SLC25A21: variants seen among roughly 807,000 people sequenced by gnomAD.
SLC25A21 encodes mitochondrial 2-oxodicarboxylate carrier.
A neutral mutation model predicts 43.8 loss-of-function variants in SLC25A21; 47 were observed. The observed-to-expected ratio is 1.07, with a 90% CI of 0.85 to 1.37. The LOEUF is 1.37. SLC25A21 is among the 40% of genes most tolerant of loss of function. The pLI is 0.00. For synonymous variants in SLC25A21, 131 were observed against 121.3 expected (o/e 1.08, Z -0.52); for missense variants, 352 against 350.2 (o/e 1.00, Z -0.04).
intron 1 of SLC25A21, among the ~76,000 whole-genome samples, chr14:36,961,587 G>A (rs1274236696): frequency 6.6e-6 from 1 of 152,116 alleles, no homozygotes; most frequent in Non-Finnish European, 1.5e-5. Flanking sequence ...CTCCCTTACT[G>A]TCCTTAGCCT....
chr14:36,685,824 A>G (rs146705117), intron 7 of SLC25A21, among the ~76,000 whole-genome samples: 2 of 152,258 alleles, frequency 1.3e-5, no homozygotes, highest in Non-Finnish European at 2.9e-5. Flanking sequence ...ATGATTTGTT[A>G]TAATGAATTT....
intron 3 of SLC25A21, among the ~76,000 whole-genome samples, chr14:36,764,535 A>C (rs79123246): frequency 6.7e-5 from 3 of 44,682 alleles, no homozygotes; most frequent in African/African-American, 9.1e-5. Context: ...CCCACACTCC[A>C]AAAAAAAAAA....
At chr14:36,879,631 C>T (rs1890651512) in intron 1 of SLC25A21, among the ~76,000 whole-genome samples, 1 of 152,068 alleles carries the variant, frequency 6.6e-6, no homozygotes, top group African/African-American at 2.4e-5. Flanking sequence ...CCTTGAACTG[C>T]CTCAAGTACA....
At chr14:36,779,381 A>G (rs565164035) in intron 3 of SLC25A21, among the ~76,000 whole-genome samples, 1 of 145,446 alleles carries the variant, frequency 6.9e-6, no homozygotes, top group Non-Finnish European at 1.5e-5. Context: ...CTATATATAC[A>G]CACACATATA....
At chr14:36,683,916 T>C (rs1267831360) in intron 8 of SLC25A21, 36 bp from the exon 9 acceptor site, 1 of 1,516,192 alleles carries the variant, frequency 6.6e-7, no homozygotes, top group Admixed American at 1.8e-5. Context: ...GTTCTTATTC[T>C]GAAAATAAAT....
intron 2 of SLC25A21, among the ~76,000 whole-genome samples, chr14:36,840,293 T>A (rs976115852): frequency 6.6e-6 from 1 of 152,096 alleles, no homozygotes; most frequent in Non-Finnish European, 1.5e-5. Flanking sequence ...AAGCCTTCAG[T>A]GTGAGTAGAG....
chr14:37,021,145 T>C (rs1458497368), intron 1 of SLC25A21, among the ~76,000 whole-genome samples: 1 of 151,972 alleles, frequency 6.6e-6, no homozygotes, highest in African/African-American at 2.4e-5. Context: ...GGAAAACGCA[T>C]AGTGGGCAAA....
Position 37,018,438 on chromosome 14 carries a change from C to T in SLC25A21, c.71-143434G>A, listed in dbSNP as rs1291365440. On this transcript the variant is annotated intron_variant, in intron 1 of 9. Coordinates refer to ENST00000331299, the MANE Select transcript of SLC25A21 (RefSeq NM_030631.4). ...AATGCACACATACATCAAAGCACTA[C>T]ATTGTATTCCATATACATACACAAT... is the stretch of plus-strand genomic sequence containing the variant. Among the ~76,000 whole-genome samples, 8 of 152,104 alleles carry T rather than the reference C, an allele frequency of 5.3e-5. No homozygotes were observed. The South Asian group carries it at 1.2e-3, about 24-fold the overall frequency.
chr14:36,791,715 A>C (rs185785402), intron 3 of SLC25A21, among the ~76,000 whole-genome samples: 1 of 152,290 alleles, frequency 6.6e-6, no homozygotes, highest in Admixed American at 6.5e-5. Flanking sequence ...AAATTCCACA[A>C]TGCAAAGAAG....
intron 1 of SLC25A21, among the ~76,000 whole-genome samples, chr14:36,971,893 A>G (rs1318196883): frequency 3.3e-5 from 5 of 152,206 alleles, no homozygotes; most frequent in African/African-American, 4.8e-5. Context: ...CTATTATAGC[A>G]AAAGTAAAGA....
At chr14:36,811,866 G>GAATTTTTAAATT (rs1888281304) in intron 3 of SLC25A21, among the ~76,000 whole-genome samples, 3 of 151,970 alleles carry the variant, frequency 2.0e-5, no homozygotes, top group Non-Finnish European at 2.9e-5. Flanking sequence ...TATAATCTTG[G>GAATTTTTAAATT]GGTTAGAGAA....
chr14:37,029,666 C>G (rs1961166410), intron 1 of SLC25A21, among the ~76,000 whole-genome samples: 1 of 151,338 alleles, frequency 6.6e-6, no homozygotes, highest in South Asian at 2.1e-4. Flanking sequence ...GGCCTTTCAG[C>G]AAGATAGGGA....
At chr14:36,740,889 C>T (rs541414918) in intron 3 of SLC25A21, among the ~76,000 whole-genome samples, 2 of 152,250 alleles carry the variant, frequency 1.3e-5, no homozygotes, top group South Asian at 4.2e-4. Flanking sequence ...AGAGACCAGT[C>T]AGCCAGACAG....
At chr14:36,836,638 A>G (rs1164140637) in intron 2 of SLC25A21, among the ~76,000 whole-genome samples, 1 of 152,184 alleles carries the variant, frequency 6.6e-6, no homozygotes, top group Non-Finnish European at 1.5e-5. Context: ...ACGGTTGAGA[A>G]GGCAGTTTCA....
At chr14:36,881,347 ATGTG>A (rs10578127) in intron 1 of SLC25A21, among the ~76,000 whole-genome samples, 20 of 151,134 alleles carry the variant, frequency 1.3e-4, no homozygotes, top group Admixed American at 2.0e-4. Flanking sequence ...TAAAATGTAA[ATGTG>A]TGTGTGTGTG....
intron 1 of SLC25A21, among the ~76,000 whole-genome samples, chr14:37,009,261 G>A (rs540511519): frequency 6.6e-6 from 1 of 152,264 alleles, no homozygotes; most frequent in African/African-American, 2.4e-5. Flanking sequence ...GCTGAGGTGG[G>A]TGAATCATAT....
At position 37,024,347 on chromosome 14, in the gene SLC25A21, T is replaced by C. The variant is rs1191636613; in HGVS notation, c.70+147934A>G. Among the ~76,000 whole-genome samples the C allele has an allele frequency of 2.6e-5, 4 of 152,002 alleles. No individual in the cohort carries two copies. The East Asian group carries it at 7.7e-4, about 29-fold the overall frequency. On this transcript the variant is annotated intron_variant, in intron 1 of 9. Coordinates refer to ENST00000331299, the MANE Select transcript of SLC25A21 (RefSeq NM_030631.4). ...ACTGTCTAATGGTAGTGTCATTGGT[T>C]CCAAGTAGGGTCAACAGAGGGCAGT...
chr14:36,924,167 C>T (rs1892063437), intron 1 of SLC25A21, among the ~76,000 whole-genome samples: 1 of 152,086 alleles, frequency 6.6e-6, no homozygotes, highest in African/African-American at 2.4e-5. Context: ...CCAGCCATCC[C>T]ATTACTGGGT....
chr14:36,684,692 TAAC>T, intron 8 of SLC25A21, 49 bp downstream of exon 8: 1 of 1,519,364 alleles, frequency 6.6e-7, no homozygotes, highest in Admixed American at 1.9e-5. Flanking sequence ...AATACGGTTC[TAAC>T]AATACGTGAG....
Sources: gnomAD v4.1 joint callset for allele counts (sites outside exome capture counted in the v4.1 genomes callset) on GRCh38, gnomAD v4.1.1 for gene constraint, MANE v1.5 for transcripts, NCBI Gene and HGNC (gene_info 2026-07-23, HGNC 2026-07-21) for gene names.